The following LMLN variants were observed in gnomAD, a reference collection of about 807,000 sequenced individuals.
LMLN encodes the protein leishmanolysin like peptidase, also known as leishmanolysin-like peptidase.
LMLN carries 70 observed loss-of-function variants against 92.3 expected under a neutral mutation model. The ratio of observed to expected loss-of-function variants is 0.76; its 90% CI spans 0.63 to 0.92. LMLN has a LOEUF of 0.92. Ranked by LOEUF, LMLN falls within the 40% of genes least tolerant of loss-of-function variation. The probability of loss-of-function intolerance (pLI) is 0.00; values close to 1 mark genes in which losing one functional copy is unlikely to be tolerated. For missense variants in LMLN, 691 were observed against 814.6 expected (o/e 0.85, Z 1.85); for synonymous variants, 308 against 296.2 (o/e 1.04, Z -0.41).
chr3:197,977,928 C>G (rs985705627), intron 5 of LMLN, among the ~76,000 whole-genome samples: 2 of 151,960 alleles, frequency 1.3e-5, no homozygotes, highest in African/African-American at 4.8e-5. Context: ...ATCAAACAAT[C>G]TGGAAGTATA....
chr3:197,990,505 T>C lies in LMLN; in HGVS notation c.930-54T>C. The C allele has an allele frequency of 5.3e-6, 4 of 754,326 alleles. No homozygotes were observed. The East Asian group carries it at 1.1e-4, about 20-fold the overall frequency. 46.7% of individuals were successfully genotyped at this position (754,326 alleles called of 1,614,324 possible). A position where few individuals can be genotyped will look rare whatever the true frequency, so the allele number is the denominator to read the frequency against. ...TTTACAGTAAATGTAAATATTTTTA[T>C]ATTTAAAATGGTGAATTTTCAGTAA... is the stretch of plus-strand genomic sequence containing the variant. On this transcript the variant is annotated intron_variant, in intron 8 of 15. Coordinates refer to ENST00000330198, the Ensembl canonical transcript of LMLN.
chr3:197,983,576 C>G (rs181681613), intron 6 of LMLN, among the ~76,000 whole-genome samples: 1 of 152,162 alleles, frequency 6.6e-6, no homozygotes, highest in South Asian at 2.1e-4. Flanking sequence ...CTGCTTTCCT[C>G]TCTACCTGCT....
At chr3:198,028,360 A>G (rs1287632171) in intron 14 of LMLN, among the ~76,000 whole-genome samples, 3 of 152,372 alleles carry the variant, frequency 2.0e-5, no homozygotes, top group Middle Eastern at 3.4e-3. Flanking sequence ...ATATTCGTCC[A>G]TAAGATAAAT....
intron 1 of LMLN, among the ~76,000 whole-genome samples, chr3:197,965,547 G>T (rs555838768): frequency 1.3e-5 from 2 of 152,158 alleles, no homozygotes; most frequent in South Asian, 4.2e-4. Flanking sequence ...GGCCTATTCT[G>T]TAGTTATTGA....
At chr3:198,027,152 A>G (rs1405583116) in intron 14 of LMLN, among the ~76,000 whole-genome samples, 1 of 152,036 alleles carries the variant, frequency 6.6e-6, no homozygotes, top group Non-Finnish European at 1.5e-5. Flanking sequence ...TCATCTCAGC[A>G]TGTTTACTCA....
At chr3:198,023,048 C>T (rs1181111151) in intron 13 of LMLN, among the ~76,000 whole-genome samples, 3 of 152,040 alleles carry the variant, frequency 2.0e-5, no homozygotes, top group Non-Finnish European at 4.4e-5. Context: ...ATATCTGGGG[C>T]TTTGTGGGTC....
intron 9 of LMLN, among the ~76,000 whole-genome samples, chr3:197,995,543 C>T (rs1721993599): frequency 1.3e-5 from 2 of 152,024 alleles, no homozygotes; most frequent in Admixed American, 6.6e-5. Context: ...CTATTGAACC[C>T]CGAAGCAGAG....
rs1722018146 is a variant in LMLN at position 197,996,376 on chromosome 3, T to C, written c.1155+94T>C. ...TTCAAGCAGGTTATAAACTGAAAAA[T>C]GTTTACGTCCCTTTACCCCTTCAGC... On this transcript the variant is annotated intron_variant, in intron 10 of 15. Transcript: ENST00000330198. 2.8e-5 allele frequency: 21 copies of C among 755,746 alleles called. No individual in the cohort carries two copies. In the South Asian group the frequency reaches 4.5e-4, roughly 16 times the overall value. 46.8% of individuals were successfully genotyped at this position (755,746 alleles called of 1,614,324 possible). A position where few individuals can be genotyped will look rare whatever the true frequency, so the allele number is the denominator to read the frequency against.
At chr3:197,999,389 AT>A in intron 11 of LMLN, 47 bp downstream of exon 11, 1 of 1,257,946 alleles carries the variant, frequency 7.9e-7, no homozygotes, top group Non-Finnish European at 1.2e-6. Context: ...TGAAAATGAA[AT>A]TAATACTGAG....
chr3:198,024,156 C>A (rs184673390), intron 13 of LMLN, among the ~76,000 whole-genome samples: 7 of 151,766 alleles, frequency 4.6e-5, no homozygotes, highest in Admixed American at 3.9e-4. Context: ...CAGTAATTTT[C>A]TCCCATTAAT....
chr3:197,967,703 G>T (rs1303788208), intron 1 of LMLN, among the ~76,000 whole-genome samples: 4 of 152,164 alleles, frequency 2.6e-5, no homozygotes, highest in African/African-American at 7.2e-5. Context: ...CCAGGGTGGG[G>T]TTTTTTCCCC....
At chr3:197,985,581 C>A in intron 7 of LMLN, 1 of 349,114 alleles carries the variant, frequency 2.9e-6, no homozygotes, top group Non-Finnish European at 5.1e-6. Context: ...TAGAAAATTT[C>A]TCGTTAGAAA....
chr3:197,976,932 T>C (rs1721400411), intron 5 of LMLN, among the ~76,000 whole-genome samples: 1 of 152,264 alleles, frequency 6.6e-6, no homozygotes, highest in Non-Finnish European at 1.5e-5. Flanking sequence ...TCCTTGCCCC[T>C]GTTTATCTTG....
chr3:197,996,210 A>G (rs1369217296), exon 10 of LMLN: 13 of 1,604,954 alleles, frequency 8.1e-6, no homozygotes, highest in African/African-American at 8.1e-5. Flanking sequence ...GTCCAGTTCT[A>G]GAGGGAATGG....
At position 197,976,868 on chromosome 3, in the gene LMLN, T is replaced by C. The variant is rs111510839; in HGVS notation, c.549+153T>C. Among the ~76,000 whole-genome samples the C allele has an allele frequency of 1.9e-3, 288 of 152,346 alleles. 3 individuals carry two copies. Among genetic ancestry groups the C allele is most frequent in the African/African-American group, 6.5e-3 (271 of 41,574 alleles). ...AGATATGCTGATTTTATTCTTTCAT[T>C]AGCTTTCAAGTGAGTTTAATGGTAT... On this transcript the variant is annotated intron_variant, in intron 5 of 15. Transcript: ENST00000330198.
intron 1 of LMLN, among the ~76,000 whole-genome samples, chr3:197,965,259 T>C (rs956122319): frequency 2.0e-5 from 3 of 152,140 alleles, no homozygotes; most frequent in African/African-American, 7.2e-5. Flanking sequence ...TTTCAAGCAA[T>C]CCTCCTGCTT....
intron 15 of LMLN, chr3:198,038,245 T>C (rs1445032041): frequency 3.6e-6 from 1 of 277,720 alleles, no homozygotes. Flanking sequence ...AAAGAAAGAA[T>C]AAAAGAAGAA....
At chr3:197,963,837 C>A (rs1337310088) in intron 1 of LMLN, among the ~76,000 whole-genome samples, 1 of 152,194 alleles carries the variant, frequency 6.6e-6, no homozygotes, top group South Asian at 2.1e-4. Flanking sequence ...TGAGATAGCA[C>A]GCCTCCTTGC....
chr3:197,999,363 G>C, intron 11 of LMLN, 21 bp downstream of exon 11: 1 of 1,516,980 alleles, frequency 6.6e-7, no homozygotes, highest in Non-Finnish European at 9.2e-7. Context: ...TGTGACAAGA[G>C]GATATGAATT....
Sources: allele counts gnomAD v4.1 joint callset (sites outside exome capture counted in the v4.1 genomes callset), GRCh38; gene constraint gnomAD v4.1.1; transcripts MANE v1.5; gene names NCBI Gene and HGNC (gene_info 2026-07-23, HGNC 2026-07-21).